PSMD14: variants seen among roughly 807,000 people sequenced by gnomAD.
PSMD14 encodes ubiquitin C-terminal hydrolase PSMD14.
Under a neutral mutation model 41.2 loss-of-function variants are expected in PSMD14, and 7 were observed. The ratio of observed to expected loss-of-function variants is 0.17; its 90% CI spans 0.10 to 0.32. The LOEUF (loss-of-function observed/expected upper bound fraction) is 0.32, where lower values mean the gene tolerates loss of function less well. PSMD14 is among the 10% of genes least tolerant of loss of function. The pLI is 1.00. For synonymous variants in PSMD14, 114 were observed against 122.3 expected, an observed-to-expected ratio of 0.93 and a Z score of 0.45; for missense variants, 139 against 375.6, an observed-to-expected ratio of 0.37 and a Z score of 5.21.
intron 2 of PSMD14, 21 bp from the exon 3 acceptor site, chr2:161,318,801 T>C: frequency 6.2e-7 from 1 of 1,608,634 alleles, no homozygotes; most frequent in East Asian, 2.2e-5. Context: ...GGAACGTTTT[T>C]TCTTTGTTTC....
chr2:161,341,086 C>G (rs1682950283), intron 3 of PSMD14: 3 of 1,526,508 alleles, frequency 2.0e-6, no homozygotes, highest in East Asian at 2.4e-5. Context: ...CCGAGCTCCC[C>G]CAGCCCCGCG....
intron 3 of PSMD14, among the ~76,000 whole-genome samples, chr2:161,345,289 C>CTGGA (rs1683024148): frequency 8.0e-6 from 1 of 124,738 alleles, no homozygotes; most frequent in Admixed American, 1.0e-4. Context: ...GTCACCCAGG[C>CTGGA]TGGAGTGCAG....
intron 1 of PSMD14, among the ~76,000 whole-genome samples, chr2:161,312,209 T>C (rs1169409598): frequency 6.6e-6 from 1 of 151,788 alleles, no homozygotes; most frequent in Non-Finnish European, 1.5e-5. Context: ...GGTGGCGCGA[T>C]CTCGGCTCAC....
Position 161,310,929 on chromosome 2 carries a change from C to T in PSMD14, c.-138+2325C>T, listed in dbSNP as rs763338219. ...TTATAAATTCTCTCAGTGCATGCCA[C>T]TAAATTTCTTGAGTCAGCCCTCCAT... On this transcript the variant is annotated intron_variant, in intron 1 of 11. Coordinates refer to ENST00000409682, the MANE Select transcript of PSMD14 (RefSeq NM_005805.6). Among the ~76,000 whole-genome samples the T allele has an allele frequency of 6.6e-5, 10 of 152,308 alleles. No individual in the cohort carries two copies. The East Asian group carries it at 1.2e-3, about 18-fold the overall frequency.
chr2:161,406,272 C>T (rs1364907484), intron 10 of PSMD14, among the ~76,000 whole-genome samples: 1 of 152,168 alleles, frequency 6.6e-6, no homozygotes, highest in Admixed American at 6.5e-5. Context: ...TAGAGCTGTG[C>T]AGACCGTGCA....
chr2:161,338,154 A>G (rs1255664200), intron 3 of PSMD14, among the ~76,000 whole-genome samples: 1 of 152,218 alleles, frequency 6.6e-6, no homozygotes, highest in Admixed American at 6.5e-5. Flanking sequence ...AGAGCCCTTG[A>G]TGAAGCATCC....
intron 3 of PSMD14, among the ~76,000 whole-genome samples, chr2:161,356,014 A>G (rs567327411): frequency 1.3e-5 from 2 of 151,898 alleles, no homozygotes; most frequent in Admixed American, 6.6e-5. Flanking sequence ...TCTCTTCTGA[A>G]TAATATAGTC....
chr2:161,341,119 C>G, intron 3 of PSMD14: 1 of 1,327,932 alleles, frequency 7.5e-7, no homozygotes, highest in Non-Finnish European at 9.6e-7. Context: ...TCCTCCGGCC[C>G]CGCGGGCGAG....
intron 3 of PSMD14, among the ~76,000 whole-genome samples, chr2:161,336,841 C>A (rs1250972188): frequency 1.3e-5 from 2 of 152,200 alleles, no homozygotes; most frequent in African/African-American, 4.8e-5. Flanking sequence ...ATCCAAAGTG[C>A]TGGGATTATA....
chr2:161,318,995 C>A, intron 3 of PSMD14, 122 bp downstream of exon 3: 1 of 657,152 alleles, frequency 1.5e-6, no homozygotes, highest in African/African-American at 1.8e-5. Flanking sequence ...TGGTAAGAAT[C>A]TTACCTTATT....
intron 10 of PSMD14, among the ~76,000 whole-genome samples, chr2:161,403,037 A>C (rs548571537): frequency 2.0e-5 from 3 of 152,370 alleles, no homozygotes; most frequent in African/African-American, 7.2e-5. Context: ...AATTCTGCTC[A>C]TAAGTATATA....
intron 3 of PSMD14, among the ~76,000 whole-genome samples, chr2:161,333,410 C>T (rs1377165018): frequency 6.6e-6 from 1 of 152,186 alleles, no homozygotes; most frequent in Non-Finnish European, 1.5e-5. Flanking sequence ...AAATTCATGG[C>T]CCATGTCACT....
At chr2:161,341,947 C>A (rs1488035131) in intron 3 of PSMD14, among the ~76,000 whole-genome samples, 1 of 151,328 alleles carries the variant, frequency 6.6e-6, no homozygotes, top group Non-Finnish European at 1.5e-5. Context: ...AACCCAATGT[C>A]ACAAACATAT....
At chr2:161,365,335 A>C (rs1055879353) in intron 3 of PSMD14, among the ~76,000 whole-genome samples, 4 of 151,942 alleles carry the variant, frequency 2.6e-5, no homozygotes, top group Non-Finnish European at 4.4e-5. Flanking sequence ...TAGTACCTTA[A>C]TTTATTCATT....
Position 161,317,300 on chromosome 2 carries a change from T to C in PSMD14, c.-5+731T>C, listed in dbSNP as rs534172739. Among the ~76,000 whole-genome samples, 9 of 152,312 alleles carry C rather than the reference T, an allele frequency of 5.9e-5. No individual in the cohort carries two copies. In the South Asian group the frequency reaches 8.3e-4, roughly 14 times the overall value. The stretch of plus-strand genomic sequence containing the variant: ...TTGTCTGTATTACCACGTTTTCTTA[T>C]ATGCCTTTTCATTTTAAAAAAGGAA... On this transcript the variant is annotated intron_variant, in intron 2 of 11. Coordinates refer to ENST00000409682, the MANE Select transcript of PSMD14 (RefSeq NM_005805.6).
chr2:161,322,154 A>G (rs750917240), intron 3 of PSMD14, among the ~76,000 whole-genome samples: 2 of 152,206 alleles, frequency 1.3e-5, no homozygotes, highest in Non-Finnish European at 2.9e-5. Flanking sequence ...GCTCTGTGCC[A>G]GAAACTCAGG....
intron 3 of PSMD14, among the ~76,000 whole-genome samples, chr2:161,339,277 G>A (rs186228040): frequency 2.4e-4 from 37 of 152,152 alleles, no homozygotes; most frequent in Admixed American, 3.9e-4. Context: ...GAGAGTTCCC[G>A]TTCTTCCACA....
At chr2:161,310,713 A>C (rs931818469) in intron 1 of PSMD14, among the ~76,000 whole-genome samples, 2 of 152,202 alleles carry the variant, frequency 1.3e-5, no homozygotes, top group African/African-American at 4.8e-5. Flanking sequence ...TGTTATCCCC[A>C]CTTTATAAAT....
intron 3 of PSMD14, among the ~76,000 whole-genome samples, chr2:161,350,970 A>T (rs988484480): frequency 6.6e-6 from 1 of 152,146 alleles, no homozygotes; most frequent in Non-Finnish European, 1.5e-5. Flanking sequence ...CAGCCTTCCT[A>T]TAATCCTGTC....
Sources: allele counts gnomAD v4.1 joint callset (sites outside exome capture counted in the v4.1 genomes callset), GRCh38; gene constraint gnomAD v4.1.1; transcripts MANE v1.5; gene names NCBI Gene and HGNC (gene_info 2026-07-23, HGNC 2026-07-21).